The following STXBP3 variants were observed in gnomAD, a reference collection of about 807,000 sequenced individuals.
The protein encoded by STXBP3 is syntaxin binding protein 3, also known as syntaxin-binding protein 3.
A neutral mutation model predicts 85.7 loss-of-function variants in STXBP3; 41 were observed. The observed-to-expected ratio is 0.48, with a 90% CI of 0.37 to 0.62. The LOEUF is 0.62. Among genes scored for constraint, STXBP3 ranks in the 20% least tolerant of loss-of-function variants. The pLI, the probability that STXBP3 is intolerant of heterozygous loss-of-function variation, is 0.00. For missense variants in STXBP3, 563 were observed against 703.1 expected (o/e 0.80, Z 2.25); for synonymous variants, 229 against 231.7 (o/e 0.99, Z 0.10).
At position 108,746,733 on chromosome 1, in the gene STXBP3, G is replaced by A. The variant is rs1661788586; in HGVS notation, c.-5G>A. ...TGGTGGCTGCTGCTCCGCAGTGTCG[G>A]GAAGATGGCGCCGCCGGTGGCAGAG... is the stretch of plus-strand genomic sequence containing the variant. On this transcript the variant is annotated 5_prime_UTR_variant, in exon 1 of 19. Coordinates refer to ENST00000370008, the MANE Select transcript of STXBP3 (RefSeq NM_007269.4). The A allele has an allele frequency of 4.5e-6, 7 of 1,550,172 alleles. No individual in the cohort carries two copies. The highest frequency in any genetic ancestry group is 6.1e-6 in the Non-Finnish European group (7 of 1,146,470).
chr1:108,801,854 A>G (rs1663239083), intron 17 of STXBP3, among the ~76,000 whole-genome samples: 1 of 151,934 alleles, frequency 6.6e-6, no homozygotes, highest in South Asian at 2.1e-4. Context: ...TGTCTTGTAG[A>G]GACAGGGTCT....
intron 11 of STXBP3, among the ~76,000 whole-genome samples, chr1:108,792,476 C>A (rs1254044708): frequency 6.6e-6 from 1 of 151,988 alleles, no homozygotes; most frequent in African/African-American, 2.4e-5. Context: ...TTTAGAATAC[C>A]CATCACCTTG....
chr1:108,750,590 C>T (rs1317368993), intron 1 of STXBP3, among the ~76,000 whole-genome samples: 1 of 152,150 alleles, frequency 6.6e-6, no homozygotes, highest in Non-Finnish European at 1.5e-5. Flanking sequence ...ACCAGTTCTC[C>T]AACTCTGGAC....
At chr1:108,782,121 CTTAAAG>C (rs1385408252) in intron 9 of STXBP3, 1 of 260,712 alleles carries the variant, frequency 3.8e-6, no homozygotes, top group Non-Finnish European at 7.3e-6. Context: ...GAGTCTTGTT[CTTAAAG>C]TTAACTGTAG....
At chr1:108,795,490 T>TC (rs1663069467) in intron 13 of STXBP3, among the ~76,000 whole-genome samples, 1 of 150,928 alleles carries the variant, frequency 6.6e-6, no homozygotes, top group South Asian at 2.1e-4. Flanking sequence ...CCCTGTCTCT[T>TC]TAAAAAAAAA....
At chr1:108,806,854 A>G (rs1377803531) in intron 17 of STXBP3, among the ~76,000 whole-genome samples, 2 of 152,164 alleles carry the variant, frequency 1.3e-5, no homozygotes, top group African/African-American at 4.8e-5. Flanking sequence ...TATATGTTAA[A>G]ATGCCAAGCC....
At chr1:108,796,435 A>T in intron 14 of STXBP3, 63 bp downstream of exon 14, 1 of 1,284,010 alleles carries the variant, frequency 7.8e-7, no homozygotes, top group Non-Finnish European at 1.1e-6. Context: ...ATCTTTGAAA[A>T]CTGAAAGATA....
chr1:108,770,923 TG>T lies in STXBP3; in HGVS notation c.439-1738del, dbSNP rs538830113. 3.6e-3 allele frequency among the ~76,000 whole-genome samples: 548 copies of T among 152,210 alleles called. 2 individuals are homozygous for T. Among genetic ancestry groups the T allele is most frequent in the African/African-American group, 0.013 (526 of 41,522 alleles). On this transcript the variant is annotated intron_variant, in intron 6 of 18. Coordinates refer to ENST00000370008, the MANE Select transcript of STXBP3 (RefSeq NM_007269.4). ...ATGTCTAGCACAATGCCATGTCTTT[TG>T]GGGAAATATGTCTCTTATTTTAAGG...
At chr1:108,777,978 C>T (rs1282922387) in intron 8 of STXBP3, among the ~76,000 whole-genome samples, 1 of 152,022 alleles carries the variant, frequency 6.6e-6, no homozygotes, top group Non-Finnish European at 1.5e-5. Flanking sequence ...GGCAAAGATT[C>T]CATAATTGTG....
chr1:108,807,055 C>T (rs764619171), intron 17 of STXBP3, among the ~76,000 whole-genome samples: 32 of 152,042 alleles, frequency 2.1e-4, no homozygotes, highest in Non-Finnish European at 4.4e-4. Context: ...AGTTCAAGAC[C>T]AGCGTGGCCA....
intron 6 of STXBP3, among the ~76,000 whole-genome samples, chr1:108,765,245 T>G (rs965980145): frequency 1.3e-5 from 2 of 152,242 alleles, no homozygotes; most frequent in African/African-American, 2.4e-5. Context: ...TGTCTGTTTT[T>G]GTACCAGTGT....
Position 108,808,952 on chromosome 1 carries a change from T to A in STXBP3, c.*75T>A, listed in dbSNP as rs1040432247. ...ATAGAAAGAAAATGTTGCTGTCATG[T>A]AATTTAAACAATGTAAATATTTTAT... is the stretch of plus-strand genomic sequence containing the variant. On this transcript the variant is annotated 3_prime_UTR_variant, in exon 19 of 19. Transcript: ENST00000370008. 1 of 985,786 alleles carries A rather than the reference T, an allele frequency of 1.0e-6. No individual in the cohort carries two copies. The highest frequency in any genetic ancestry group is 1.5e-5 in the South Asian group (1 of 65,774). 61.1% of individuals were successfully genotyped at this position (985,786 alleles called of 1,614,324 possible).
chr1:108,779,018 T>TA (rs1330632402), intron 8 of STXBP3, among the ~76,000 whole-genome samples: 1 of 152,212 alleles, frequency 6.6e-6, no homozygotes, highest in African/African-American at 2.4e-5. Flanking sequence ...AGTTATTAAA[T>TA]ATACCCTCTT....
rs371912417 is a variant in STXBP3 at position 108,752,202 on chromosome 1, A to C, written c.50-55A>C. ...TCCTTAGCCATTTTGGACCCTTTGGATTACTATGTTTCTGTTTATTTAATT... is the reference window on the plus strand; with the variant it reads ...TCCTTAGCCATTTTGGACCCTTTGGCTTACTATGTTTCTGTTTATTTAATT... On this transcript the variant is annotated intron_variant, in intron 1 of 18. Coordinates refer to ENST00000370008, the MANE Select transcript of STXBP3 (RefSeq NM_007269.4). The C allele has an allele frequency of 5.2e-5, 79 of 1,532,780 alleles. No individual in the cohort carries two copies. In the Middle Eastern group the frequency reaches 8.6e-4, roughly 17 times the overall value. The allele number at this position is 1,532,780 out of a possible 1,614,324, so 94.9% of individuals were successfully genotyped here. A position where few individuals can be genotyped will look rare whatever the true frequency, so the allele number is the denominator to read the frequency against.
chr1:108,759,506 G>C (rs997925049), intron 5 of STXBP3, among the ~76,000 whole-genome samples: 1 of 152,182 alleles, frequency 6.6e-6, no homozygotes, highest in Non-Finnish European at 1.5e-5. Context: ...CACTGGCTCT[G>C]AGTTCCAGAA....
chr1:108,771,541 C>G (rs1448482384), intron 6 of STXBP3, among the ~76,000 whole-genome samples: 5 of 57,044 alleles, frequency 8.8e-5, no homozygotes, highest in South Asian at 5.0e-4. Flanking sequence ...CTATATATAT[C>G]ATATATAAAT....
intron 5 of STXBP3, among the ~76,000 whole-genome samples, chr1:108,759,385 T>G (rs1476873511): frequency 1.3e-5 from 2 of 152,154 alleles, no homozygotes; most frequent in African/African-American, 4.8e-5. Flanking sequence ...TCTTTTAACT[T>G]AAGGAATCTT....
In STXBP3 at chr1:108,760,074, C is replaced by T; in HGVS notation, c.427C>T (p.His143Tyr). 1 of 1,550,842 alleles carries T rather than the reference C, an allele frequency of 6.4e-7. No homozygotes were observed. Among genetic ancestry groups the T allele is most frequent in the Non-Finnish European group, 8.7e-7 (1 of 1,151,764 alleles). Residue 143 changes from histidine to tyrosine, a missense_variant, in exon 6 of 19, where the codon CAT (histidine) becomes TAT (tyrosine). His to Tyr is a moderately conservative substitution (Grantham distance 83). This residue lies in a region of STXBP3 where 494 missense variants were observed against 592.8 expected (regional missense o/e 0.83). Coordinates refer to ENST00000370008, the MANE Select transcript of STXBP3 (RefSeq NM_007269.4). ...CKEINISFIP[H>Y]ESQVYTLDVP... is the part of the protein sequence containing the mutation. ...AGAAATAAATATTTCCTTCATTCCA[C>T]ATGAATCTCAGGTACTTTCTATTTT...
In STXBP3 at chr1:108,807,582, T is replaced by G. The variant is rs747175228; in HGVS notation, c.1684+33T>G. ...TTTCATTTTCTTCTTTTCTGTTTTT[T>G]TTTTTTTTTTTGAGACTAAGTCTCG... On this transcript the variant is annotated intron_variant, in intron 18 of 18. Transcript: ENST00000370008. The G allele has an allele frequency of 1.6e-5, 25 of 1,556,168 alleles. No individual in the cohort carries two copies. The Admixed American group carries it at 2.4e-4, about 15-fold the overall frequency.
Sources: gnomAD v4.1 joint callset for allele counts (sites outside exome capture counted in the v4.1 genomes callset) on GRCh38, gnomAD v4.1.1 for gene constraint, gnomAD v4.1.1 regional missense constraint, MANE v1.5 for transcripts, NCBI Gene and HGNC (gene_info 2026-07-23, HGNC 2026-07-21) for gene names.